NOXA1: variants seen among roughly 807,000 people sequenced by gnomAD.
NOXA1 encodes the protein NCF2-like protein.
A neutral mutation model predicts 64.8 loss-of-function variants in NOXA1; 56 were observed. That is an observed-to-expected ratio of 0.86 (90% CI 0.70 to 1.08). The LOEUF (loss-of-function observed/expected upper bound fraction) is 1.08, where lower values mean the gene tolerates loss of function less well. NOXA1 is among the 50% of genes least tolerant of loss of function. The pLI, the probability that NOXA1 is intolerant of heterozygous loss-of-function variation, is 0.00. For missense variants in NOXA1, 668 were observed against 658.5 expected (o/e 1.01, Z -0.16); for synonymous variants, 295 against 294.8 (o/e 1.00, Z -0.01).
intron 1 of NOXA1, among the ~76,000 whole-genome samples, chr9:137,424,014 TGGCCGGGAGACCG>T (rs1336168457): frequency 6.6e-6 from 1 of 152,136 alleles, no homozygotes; most frequent in Non-Finnish European, 1.5e-5. Flanking sequence ...CCTGTGGTCA[TGGCCGGGAGACCG>T]GGTCAGTCTC....
At chr9:137,427,421 A>G (rs930008287) in intron 2 of NOXA1, among the ~76,000 whole-genome samples, 4 of 152,258 alleles carry the variant, frequency 2.6e-5, no homozygotes, top group Non-Finnish European at 5.9e-5. Context: ...CCACATACGC[A>G]GTCGCCCAGA....
Position 137,429,303 on chromosome 9 carries a change from G to A in NOXA1, c.532G>A (p.Val178Ile), listed in dbSNP as rs775062305. The change falls in exon 5 of 14, where the codon GTC (valine) becomes ATC (isoleucine). Residue 178 changes from valine to isoleucine, a missense_variant. Coordinates refer to ENST00000683555, the MANE Select transcript of NOXA1 (RefSeq NM_001256067.2). ...ACGGGGCTCACTGCCGCCACGGCAG[G>A]TCCCCAGGGGCGAGGTCTTCCGGCC... Reference protein sequence around the residue: ...QRRGSLPPRQVPRGEVFRPHR... With the variant: ...QRRGSLPPRQIPRGEVFRPHR... 5.1e-6 allele frequency: 8 copies of A among 1,573,172 alleles called. No homozygotes were observed. The South Asian group carries it at 8.2e-5, about 16-fold the overall frequency.
chr9:137,425,468 C>T (rs945591465), intron 1 of NOXA1, among the ~76,000 whole-genome samples: 4 of 152,176 alleles, frequency 2.6e-5, no homozygotes, highest in Non-Finnish European at 5.9e-5. Context: ...TCACTGCAAC[C>T]TCTACCTCCC....
intron 1 of NOXA1, among the ~76,000 whole-genome samples, chr9:137,424,537 T>C (rs1838756416): frequency 6.6e-6 from 1 of 152,156 alleles, no homozygotes; most frequent in East Asian, 1.9e-4. Context: ...CCTCCCGGGT[T>C]CAAGCAATTC....
In NOXA1 at chr9:137,433,983, G is replaced by A. The variant is rs1839245577; in HGVS notation, c.1198G>A (p.Val400Ile). The A allele has an allele frequency of 3.2e-6, 5 of 1,554,252 alleles. No homozygotes were observed. In the African/African-American group the frequency reaches 5.4e-5, roughly 17 times the overall value. ...LQCRGAGGRPVLYQVVAQHSY... is the reference protein window; with the variant it reads ...LQCRGAGGRPILYQVVAQHSY... ...GCCTCAGGGAGCCGGGGGTCGGCCG[G>A]TCCTCTACCAGGTGGTGGCCCAGCA... Residue 400 changes from valine (V) to isoleucine (I), a missense_variant, in exon 13 of 14, where the codon GTC becomes ATC. Physicochemically the swap from Val to Ile is conservative, Grantham distance 29. Transcript: ENST00000683555.
At position 137,433,729 on chromosome 9, in the gene NOXA1, C is replaced by T. The variant is rs770941207; in HGVS notation, c.1065-21C>T. On this transcript the variant is annotated intron_variant, in intron 11 of 13. Transcript: ENST00000683555. The stretch of plus-strand genomic sequence containing the variant: ...CTGCAGGCCCCACCCAGGAGGCCCC[C>T]TCTGAGGAATCTCTTTGCAGTTACC... The T allele has an allele frequency of 3.1e-5, 45 of 1,466,060 alleles. No individual in the cohort carries two copies. The South Asian group carries it at 6.2e-4, about 20-fold the overall frequency. The allele number at this position is 1,466,060 out of a possible 1,614,324, so 90.8% of individuals were successfully genotyped here.
intron 8 of NOXA1, 86 bp from the exon 9 acceptor site, chr9:137,432,943 A>C (rs1405652233): frequency 1.2e-5 from 17 of 1,470,154 alleles, no homozygotes; most frequent in Non-Finnish European, 1.5e-5. Context: ...CACACAGGCC[A>C]CACCCTTGGT....
intron 1 of NOXA1, among the ~76,000 whole-genome samples, chr9:137,425,431 G>C (rs1242330304): frequency 6.6e-6 from 1 of 152,060 alleles, no homozygotes; most frequent in African/African-American, 2.4e-5. Flanking sequence ...TGTCTTGCAG[G>C]CTGGAGTGCA....
Position 137,429,356 on chromosome 9 carries a change from G to C in NOXA1, c.585G>C (p.Glu195Asp). The change falls in exon 5 of 14, where the codon GAG (glutamate) becomes GAC (aspartate). Residue 195 changes from glutamate (E) to aspartate (D), a missense_variant. Transcript: ENST00000683555. ...RPHRWHLKHL[E>D]PVDFLGKAKV... Reference sequence around the variant, plus strand: ...ACCGGTGGCACCTGAAGCACTTGGAGCCCGTGGATTTCCTGGGCAAGGCCA... The same window carrying C: ...ACCGGTGGCACCTGAAGCACTTGGACCCCGTGGATTTCCTGGGCAAGGCCA... The C allele has an allele frequency of 1.3e-6, 2 of 1,583,492 alleles. No individual in the cohort carries two copies. The highest frequency in any genetic ancestry group is 2.7e-5 in the African/African-American group (2 of 74,754).
intron 2 of NOXA1, among the ~76,000 whole-genome samples, chr9:137,427,220 CG>C: frequency 6.6e-6 from 1 of 152,264 alleles, no homozygotes; most frequent in East Asian, 1.9e-4. Context: ...TGCACGCTAG[CG>C]ACAGGCTCAC....
Position 137,423,605 on chromosome 9 carries a change from G to T in NOXA1, c.76G>T (p.Ala26Ser). Reference sequence around the variant, plus strand: ...TGTGGATCGTGGGGACTGGGCCCGCGCCTTGCACCTCTTCTCGGGCGTCCC... The same window carrying T: ...TGTGGATCGTGGGGACTGGGCCCGCTCCTTGCACCTCTTCTCGGGCGTCCC... ...QAVDRGDWAR[A>S]LHLFSGVPAP... The change falls in exon 1 of 14, where the codon GCC (alanine) becomes TCC (serine). Residue 26 changes from alanine to serine, a missense_variant. Transcript: ENST00000683555. The T allele has an allele frequency of 6.8e-7, 1 of 1,476,078 alleles. No homozygotes were observed. The highest frequency in any genetic ancestry group is 9.0e-7 in the Non-Finnish European group (1 of 1,114,318). The allele number at this position is 1,476,078 out of a possible 1,614,324, so 91.4% of individuals were successfully genotyped here. A position where few individuals can be genotyped will look rare whatever the true frequency, so the allele number is the denominator to read the frequency against.
intron 5 of NOXA1, among the ~76,000 whole-genome samples, chr9:137,430,301 G>A (rs553279407): frequency 2.0e-4 from 30 of 147,188 alleles, no homozygotes; most frequent in African/African-American, 7.1e-4. Context: ...CAAAGGCAGC[G>A]GGCGAAACAT....
At position 137,425,803 on chromosome 9, in the gene NOXA1, C is replaced by A. The variant is rs1339821180; in HGVS notation, c.178-445C>A. On this transcript the variant is annotated intron_variant, in intron 1 of 13. Transcript: ENST00000683555. ...TTTGAGAATGTCTTGAACCCAGAGG[C>A]GGAGGCAGCAGTGAGCCAAGATCGA... is the stretch of plus-strand genomic sequence containing the variant. Among the ~76,000 whole-genome samples, 4 of 150,224 alleles carry A rather than the reference C, an allele frequency of 2.7e-5. 1 individual carries two copies. The highest frequency in any genetic ancestry group is 1.3e-4 in the Admixed American group (2 of 14,992).
intron 1 of NOXA1, among the ~76,000 whole-genome samples, chr9:137,424,085 A>G (rs1432369519): frequency 6.6e-6 from 1 of 152,100 alleles, no homozygotes; most frequent in African/African-American, 2.4e-5. Context: ...CGAAACAGCC[A>G]GGAGTCCAGG....
rs1839264813 is a variant in NOXA1 at position 137,434,229 on chromosome 9, C to G, written c.1300C>G (p.Gln434Glu). Residue 434 changes from glutamine (Q) to glutamate (E), a missense_variant, in exon 14 of 14, where the codon CAG becomes GAG. Physicochemically the swap from Gln to Glu is conservative, Grantham distance 29. Transcript: ENST00000683555. ...GCCCGATGTCCCCCTTGCAGTGGAC[C>G]AGGCATGGCTGGAGGGCCACTGTGA... Reference protein sequence around the residue: ...DTVDVLCEVDQAWLEGHCDGR... With the variant: ...DTVDVLCEVDEAWLEGHCDGR... The G allele has an allele frequency of 6.2e-7, 1 of 1,609,370 alleles. No individual in the cohort carries two copies.
At chr9:137,429,052 G>A in intron 4 of NOXA1, 36 bp downstream of exon 4, 2 of 1,501,666 alleles carry the variant, frequency 1.3e-6, no homozygotes, top group Non-Finnish European at 1.8e-6. Context: ...TTTTGGGCTG[G>A]TGCCTACCAA....
Position 137,434,316 on chromosome 9 carries a change from G to GC in NOXA1, c.1392dup (p.Gly465ArgfsTer19). On this transcript the variant is annotated frameshift_variant, in exon 14 of 14. Coordinates refer to ENST00000683555, the MANE Select transcript of NOXA1 (RefSeq NM_001256067.2). LOFTEE classifies it low-confidence loss of function (END_TRUNC). ...CCCCGCCGGCCCTCGGATGTCAGGA[G>GC]CCCCCGGCCGCCTGCCCCGATCCCA... 2 of 1,608,902 alleles carry GC rather than the reference G, an allele frequency of 1.2e-6. No homozygotes were observed. The highest frequency in any genetic ancestry group is 1.1e-5 in the South Asian group (1 of 90,896).
intron 2 of NOXA1, 138 bp from the exon 3 acceptor site, chr9:137,427,895 C>T (rs1231876845): frequency 1.6e-6 from 1 of 626,258 alleles, no homozygotes; most frequent in Non-Finnish European, 2.9e-6. Context: ...GTGTGCAGAC[C>T]TAGGCACCGC....
chr9:137,424,463 T>A (rs1211502343), intron 1 of NOXA1, among the ~76,000 whole-genome samples: 2 of 151,930 alleles, frequency 1.3e-5, no homozygotes, highest in Non-Finnish European at 2.9e-5. Context: ...AAAGATGGAG[T>A]CTCGTTCTGT....
Sources: gnomAD v4.1 joint callset for allele counts (sites outside exome capture counted in the v4.1 genomes callset) on GRCh38, gnomAD v4.1.1 for gene constraint, MANE v1.5 for transcripts, NCBI Gene and HGNC (gene_info 2026-07-23, HGNC 2026-07-21) for gene names.